The following STXBP6 variants were observed in gnomAD, a reference collection of about 807,000 sequenced individuals.
The protein encoded by STXBP6 is syntaxin-binding protein 6.
STXBP6 carries 21 observed loss-of-function variants against 26.9 expected under a neutral mutation model. The ratio of observed to expected loss-of-function variants is 0.78; its 90% CI spans 0.55 to 1.12. The LOEUF (loss-of-function observed/expected upper bound fraction) is 1.12. Ranked by LOEUF, STXBP6 falls within the 50% of genes most tolerant of loss-of-function variation. STXBP6 has a pLI of 0.00. For synonymous variants in STXBP6, 97 were observed against 92.6 expected, an observed-to-expected ratio of 1.05 and a Z score of -0.27; for missense variants, 232 against 257.9, an observed-to-expected ratio of 0.90 and a Z score of 0.69.
intron 4 of STXBP6, 198 bp from the exon 5 acceptor site, chr14:24,819,392 G>A (rs1203814465): frequency 6.3e-6 from 4 of 633,908 alleles, no homozygotes; most frequent in Admixed American, 5.2e-5. Context: ...CCCACTGACT[G>A]CAGGACCTAG....
At chr14:24,833,783 T>C (rs1458511360) in intron 4 of STXBP6, among the ~76,000 whole-genome samples, 1 of 152,206 alleles carries the variant, frequency 6.6e-6, no homozygotes, top group African/African-American at 2.4e-5. Flanking sequence ...AGATATTTGA[T>C]TAATATGGAA....
chr14:24,866,243 C>A (rs1483077824), intron 2 of STXBP6, among the ~76,000 whole-genome samples: 2 of 152,138 alleles, frequency 1.3e-5, no homozygotes, highest in Non-Finnish European at 2.9e-5. Context: ...TACTGCAATA[C>A]TGGCTCCTTC....
chr14:24,868,781 C>A (rs1409459656), intron 2 of STXBP6, among the ~76,000 whole-genome samples: 2 of 152,136 alleles, frequency 1.3e-5, no homozygotes, highest in East Asian at 3.9e-4. Context: ...GTAGCTTAGA[C>A]CAGAGGGTAG....
At chr14:24,815,389 T>C (rs953460851) in intron 5 of STXBP6, among the ~76,000 whole-genome samples, 2 of 151,802 alleles carry the variant, frequency 1.3e-5, no homozygotes, top group African/African-American at 4.8e-5. Flanking sequence ...TCATGACTGA[T>C]ACCAGGCAGA....
chr14:24,815,767 G>T (rs1202480517), intron 5 of STXBP6: 5 of 152,112 alleles, frequency 3.3e-5, no homozygotes, highest in African/African-American at 9.7e-5. Context: ...GCAACATTGT[G>T]CTTTTTGGCA....
chr14:25,025,368 G>A (rs191005006), intron 1 of STXBP6, among the ~76,000 whole-genome samples: 396 of 152,182 alleles, frequency 2.6e-3, no homozygotes, highest in Non-Finnish European at 4.0e-3. Context: ...TCTTGGTGGT[G>A]TCTGCCCTAA....
chr14:25,004,027 AAG>A (rs968540919), intron 1 of STXBP6, among the ~76,000 whole-genome samples: 80 of 152,348 alleles, frequency 5.3e-4, no homozygotes, highest in African/African-American at 1.7e-3. Flanking sequence ...AAAGAATACA[AAG>A]AGAGTTGAGG....
chr14:24,857,308 G>A, intron 2 of STXBP6, 151 bp from the exon 3 acceptor site: 1 of 1,011,078 alleles, frequency 9.9e-7, no homozygotes. Flanking sequence ...ATAAATATGT[G>A]TGCCTTTGGT....
chr14:24,928,392 GT>G (rs371068134), intron 2 of STXBP6, among the ~76,000 whole-genome samples: 2,666 of 150,492 alleles, frequency 0.018, 57 homozygotes, highest in African/African-American at 0.06. Flanking sequence ...CTTTTTTTTT[GT>G]TTTTTTCCTC....
Position 25,049,039 on chromosome 14 carries a change from G to T in STXBP6, c.-33+839C>A. The T allele has an allele frequency of 3.9e-6, 2 of 508,734 alleles. No homozygotes were observed. The highest frequency in any genetic ancestry group is 5.1e-6 in the Non-Finnish European group (2 of 394,040). 31.5% of individuals were successfully genotyped at this position (508,734 alleles called of 1,614,324 possible). On this transcript the variant is annotated intron_variant, in intron 1 of 5. Transcript: ENST00000323944. This position sits in a 1 kb window ranked among gnomAD's most constrained non-coding sequence, Gnocchi z 5.6. ...GGTTCGTTATGAAATCCTGGGGCCA[G>T]AACCAAGGGCAGATACACCCCGGGG...
intron 1 of STXBP6, among the ~76,000 whole-genome samples, chr14:25,046,797 T>C (rs535278524): frequency 3.3e-5 from 5 of 152,236 alleles, no homozygotes; most frequent in Middle Eastern, 6.8e-3. Context: ...GAGCTTAAGA[T>C]TGGGTTAGGT....
intron 2 of STXBP6, among the ~76,000 whole-genome samples, chr14:24,902,638 T>G (rs909356382): frequency 1.3e-5 from 2 of 148,320 alleles, no homozygotes; most frequent in African/African-American, 4.9e-5. Flanking sequence ...CTGAGTTACG[T>G]AAACTATTTG....
chr14:24,927,549 T>C (rs2072223320), intron 2 of STXBP6, among the ~76,000 whole-genome samples: 1 of 152,266 alleles, frequency 6.6e-6, no homozygotes, highest in Admixed American at 6.5e-5. Context: ...TTTGTAACTA[T>C]CATACTTTGC....
chr14:25,049,237 G>A lies in STXBP6; in HGVS notation c.-33+641C>T. 1 of 985,468 alleles carries A rather than the reference G, an allele frequency of 1.0e-6. No individual in the cohort carries two copies. 61.0% of individuals were successfully genotyped at this position (985,468 alleles called of 1,614,324 possible). A position where few individuals can be genotyped will look rare whatever the true frequency, so the allele number is the denominator to read the frequency against. On this transcript the variant is annotated intron_variant, in intron 1 of 5. Transcript: ENST00000323944. This position sits in a 1 kb window ranked among gnomAD's most constrained non-coding sequence, Gnocchi z 5.6. The stretch of plus-strand genomic sequence containing the variant: ...CCAGCCACGTTGCCCGGCGGTGTTG[G>A]TGAGGCTCGATGCCGGCGTGCACGG...
At chr14:24,921,812 C>A (rs1008944262) in intron 2 of STXBP6, among the ~76,000 whole-genome samples, 1 of 152,080 alleles carries the variant, frequency 6.6e-6, no homozygotes, top group Non-Finnish European at 1.5e-5. Context: ...TAAATAAGAA[C>A]ATGGCTCAAA....
intron 2 of STXBP6, among the ~76,000 whole-genome samples, chr14:24,934,021 C>A (rs78052735): frequency 0.044 from 6,684 of 151,736 alleles, 458 homozygotes; most frequent in African/African-American, 0.15. Flanking sequence ...AATGTAGGGG[C>A]AGAAAATACC....
chr14:25,044,361 A>G (rs1192565404), intron 1 of STXBP6, among the ~76,000 whole-genome samples: 9 of 152,022 alleles, frequency 5.9e-5, no homozygotes, highest in Non-Finnish European at 8.8e-5. Context: ...TTCACCAGCA[A>G]TCTAATGTAG....
chr14:24,951,319 T>C (rs2073162049), intron 2 of STXBP6, among the ~76,000 whole-genome samples: 1 of 152,190 alleles, frequency 6.6e-6, no homozygotes, highest in Non-Finnish European at 1.5e-5. Flanking sequence ...TGCCACACTG[T>C]CTTCCACAAT....
intron 1 of STXBP6, among the ~76,000 whole-genome samples, chr14:25,044,915 C>A (rs114283126): frequency 6.6e-6 from 1 of 152,182 alleles, no homozygotes; most frequent in African/African-American, 2.4e-5. Context: ...AAGAGTGCTA[C>A]CCACCATTTA....
Sources: gnomAD v4.1 joint callset for allele counts (sites outside exome capture counted in the v4.1 genomes callset) on GRCh38, gnomAD v4.1.1 for gene constraint, Gnocchi (gnomAD v3.1) non-coding constraint, MANE v1.5 for transcripts, NCBI Gene and HGNC (gene_info 2026-07-23, HGNC 2026-07-21) for gene names.